CHST11: variants seen among roughly 807,000 people sequenced by gnomAD.
CHST11 encodes C4S-1.
CHST11 carries 9 observed loss-of-function variants against 30.4 expected under a neutral mutation model. The observed-to-expected ratio is 0.30, with a 90% CI of 0.18 to 0.52. CHST11 has a LOEUF of 0.52. Among genes scored for constraint, CHST11 ranks in the 20% least tolerant of loss-of-function variants. CHST11 has a pLI of 0.97. For synonymous variants in CHST11, 152 were observed against 187.8 expected (o/e 0.81, Z 1.56); for missense variants, 348 against 460.6 (o/e 0.76, Z 2.24).
At chr12:104,519,098 G>GTGTA (rs1303390212) in intron 1 of CHST11, among the ~76,000 whole-genome samples, 1 of 151,364 alleles carries the variant, frequency 6.6e-6, no homozygotes, top group Non-Finnish European at 1.5e-5. Flanking sequence ...GTGTGTGTGT[G>GTGTA]TGTGTGTTTC....
chr12:104,686,047 G>T (rs1241415272), intron 2 of CHST11, among the ~76,000 whole-genome samples: 1 of 151,942 alleles, frequency 6.6e-6, no homozygotes, highest in Non-Finnish European at 1.5e-5. Flanking sequence ...GGCAGCCTTA[G>T]TGAGACCCTC....
intron 1 of CHST11, among the ~76,000 whole-genome samples, chr12:104,471,033 G>C (rs1318500476): frequency 6.6e-6 from 1 of 152,150 alleles, no homozygotes; most frequent in African/African-American, 2.4e-5. Flanking sequence ...TCTGTGTTTA[G>C]ATGACGCTCA....
At chr12:104,565,893 T>C (rs1237537763) in intron 1 of CHST11, among the ~76,000 whole-genome samples, 2 of 152,164 alleles carry the variant, frequency 1.3e-5, no homozygotes, top group African/African-American at 4.8e-5. Context: ...CACAGGGAAA[T>C]GGCTATGGTT....
chr12:104,472,673 G>A (rs912573243), intron 1 of CHST11, among the ~76,000 whole-genome samples: 6 of 152,210 alleles, frequency 3.9e-5, no homozygotes, highest in African/African-American at 1.4e-4. Context: ...CTATTAGGGT[G>A]GATGTAAACA....
chr12:104,541,122 T>A (rs1428357010), intron 1 of CHST11, among the ~76,000 whole-genome samples: 224 of 63,144 alleles, frequency 3.5e-3, no homozygotes, highest in Non-Finnish European at 4.7e-3. Flanking sequence ...TCCCTCTCTC[T>A]CTCTCTCTCA....
At chr12:104,546,455 C>G (rs2038349971) in intron 1 of CHST11, among the ~76,000 whole-genome samples, 1 of 118,998 alleles carries the variant, frequency 8.4e-6, no homozygotes, top group Admixed American at 9.0e-5. Context: ...GTGACAGACC[C>G]TGTCTCAAAA....
At chr12:104,614,655 A>G (rs771110424) in intron 2 of CHST11, among the ~76,000 whole-genome samples, 10 of 151,562 alleles carry the variant, frequency 6.6e-5, no homozygotes, top group Non-Finnish European at 8.8e-5. Flanking sequence ...GCATGTGTGT[A>G]TGCATGCATG....
intron 1 of CHST11, among the ~76,000 whole-genome samples, chr12:104,565,258 A>AT (rs66825272): frequency 0.066 from 4,842 of 72,884 alleles, 36 homozygotes; most frequent in Non-Finnish European, 0.077. Flanking sequence ...GTTTTCTAGG[A>AT]TTTTTTTTTT....
intron 1 of CHST11, among the ~76,000 whole-genome samples, chr12:104,554,278 CAA>C (rs1336816255): frequency 2.0e-5 from 3 of 152,046 alleles, no homozygotes; most frequent in African/African-American, 4.8e-5. Context: ...CCATAGATAA[CAA>C]GAGGGGACCG....
intron 2 of CHST11, among the ~76,000 whole-genome samples, chr12:104,684,916 T>C (rs1050386590): frequency 2.0e-5 from 3 of 152,212 alleles, no homozygotes; most frequent in African/African-American, 7.2e-5. Context: ...ATGCAACCTC[T>C]TCCCTCCAAA....
intron 2 of CHST11, among the ~76,000 whole-genome samples, chr12:104,683,280 C>T (rs1362621374): frequency 6.6e-6 from 1 of 152,078 alleles, no homozygotes; most frequent in Non-Finnish European, 1.5e-5. Flanking sequence ...AGCTCCCCAC[C>T]CCAAAACAGA....
chr12:104,631,090 C>T (rs1284198930), intron 2 of CHST11, among the ~76,000 whole-genome samples: 1 of 152,136 alleles, frequency 6.6e-6, no homozygotes, highest in African/African-American at 2.4e-5. Flanking sequence ...TGTTCAGAAT[C>T]GATTTGTTGC....
At chr12:104,543,381 T>C (rs11613277) in intron 1 of CHST11, among the ~76,000 whole-genome samples, 12,084 of 152,296 alleles carry the variant, frequency 0.079, 549 homozygotes, top group Middle Eastern at 0.14. Flanking sequence ...AACTGTGTCA[T>C]GCAGTATTTT....
chr12:104,622,059 G>C (rs926293695), intron 2 of CHST11, among the ~76,000 whole-genome samples: 2 of 152,186 alleles, frequency 1.3e-5, no homozygotes, highest in African/African-American at 4.8e-5. Flanking sequence ...CGGCAACCCC[G>C]GTGACCCCCA....
chr12:104,643,401 A>G (rs536273896), intron 2 of CHST11, among the ~76,000 whole-genome samples: 42 of 152,234 alleles, frequency 2.8e-4, no homozygotes, highest in Non-Finnish European at 4.7e-4. Context: ...ATGAGGAAGC[A>G]GAAGTTTGGA....
chr12:104,531,499 G>A (rs73185413), intron 1 of CHST11, among the ~76,000 whole-genome samples: 1 of 149,080 alleles, frequency 6.7e-6, no homozygotes, highest in Non-Finnish European at 1.5e-5. Context: ...GAGAGAGAAA[G>A]ATTAAGTGAC....
At chr12:104,518,571 C>T (rs1159040856) in intron 1 of CHST11, among the ~76,000 whole-genome samples, 3 of 152,128 alleles carry the variant, frequency 2.0e-5, no homozygotes, top group African/African-American at 7.2e-5. Flanking sequence ...TTAATACACC[C>T]CGGACTTTCC....
intron 2 of CHST11, among the ~76,000 whole-genome samples, chr12:104,718,433 C>A (rs978846440): frequency 6.6e-6 from 1 of 152,184 alleles, no homozygotes; most frequent in African/African-American, 2.4e-5. Flanking sequence ...TGCTTAGATA[C>A]GGAGACTGAG....
Position 104,757,639 on chromosome 12 carries a change from C to G in CHST11, c.895C>G (p.Leu299Val). The change falls in exon 3 of 3, where the codon CTG becomes GTG. Residue 299 changes from leucine (L) to valine (V), a missense_variant. Physicochemically the swap from Leu to Val is conservative, Grantham distance 32 (BLOSUM62 1). Around this residue, in one of 3 missense-constraint regions of CHST11, gnomAD observed 210 missense variants for 287.2 expected, o/e 0.73. Coordinates refer to ENST00000303694, the MANE Select transcript of CHST11 (RefSeq NM_018413.6). The surrounding 1 kb of genome is among the most constrained non-coding windows in gnomAD (Gnocchi z 6.5). ...VLQLAGVGSY[L>V]KFPTYAKSTR... ...GCAGCTGGCAGGAGTGGGCAGCTACCTGAAGTTCCCCACCTATGCAAAGTC... is the reference window on the plus strand; with the variant it reads ...GCAGCTGGCAGGAGTGGGCAGCTACGTGAAGTTCCCCACCTATGCAAAGTC... The G allele has an allele frequency of 1.2e-6, 2 of 1,614,150 alleles. No homozygotes were observed. Among genetic ancestry groups the G allele is most frequent in the Non-Finnish European group, 1.7e-6 (2 of 1,180,036 alleles).
Sources: allele counts gnomAD v4.1 joint callset (sites outside exome capture counted in the v4.1 genomes callset), GRCh38; gene constraint gnomAD v4.1.1; regional missense constraint gnomAD v4.1.1; non-coding constraint Gnocchi (gnomAD v3.1); transcripts MANE v1.5; gene names NCBI Gene and HGNC (gene_info 2026-07-23, HGNC 2026-07-21).